The following MECOM variants were observed in gnomAD, a reference collection of about 807,000 sequenced individuals.
The protein encoded by MECOM is histone-lysine N-methyltransferase MECOM.
MECOM carries 13 observed loss-of-function variants against 116.3 expected under a neutral mutation model. The ratio of observed to expected loss-of-function variants is 0.11; its 90% CI spans 0.07 to 0.18. The LOEUF (loss-of-function observed/expected upper bound fraction) is 0.18. Among genes scored for constraint, MECOM ranks in the 10% least tolerant of loss-of-function variants. The pLI is 1.00. For synonymous variants in MECOM, 528 were observed against 535.2 expected, an observed-to-expected ratio of 0.99 and a Z score of 0.19; for missense variants, 1,299 against 1,509.0, an observed-to-expected ratio of 0.86 and a Z score of 2.31.
intron 3 of MECOM, among the ~76,000 whole-genome samples, chr3:169,136,574 G>T (rs1259806384): frequency 1.3e-5 from 2 of 151,946 alleles, no homozygotes; most frequent in African/African-American, 4.8e-5. Flanking sequence ...TGCCATAAAA[G>T]ACTTTCAGTC....
In MECOM at chr3:169,107,788, G is replaced by A. The variant is rs931903734; in HGVS notation, c.2604+138C>T. The A allele has an allele frequency of 6.2e-5, 38 of 617,438 alleles. No homozygotes were observed. In the South Asian group the frequency reaches 7.8e-4, roughly 13 times the overall value. The allele number at this position is 617,438 out of a possible 1,614,324, so 38.2% of individuals were successfully genotyped here. A position where few individuals can be genotyped will look rare whatever the true frequency, so the allele number is the denominator to read the frequency against. ...GAAAGAATGCAGCTTGAGAAAGCAGGGAAACTATCTGCTGGAACCATATCA... is the reference window on the plus strand; with the variant it reads ...GAAAGAATGCAGCTTGAGAAAGCAGAGAAACTATCTGCTGGAACCATATCA... On this transcript the variant is annotated intron_variant, in intron 10 of 16. Transcript: ENST00000651503.
At chr3:169,504,811 A>T (rs1202396035) in intron 1 of MECOM, among the ~76,000 whole-genome samples, 1 of 152,184 alleles carries the variant, frequency 6.6e-6, no homozygotes, top group East Asian at 1.9e-4. Context: ...TGTTTAAAGA[A>T]ATCCCCCGCA....
At chr3:169,395,831 C>T (rs569973874) in intron 1 of MECOM, among the ~76,000 whole-genome samples, 18 of 152,308 alleles carry the variant, frequency 1.2e-4, no homozygotes, top group Admixed American at 2.6e-4. Context: ...AAAACATAAG[C>T]TTCATGAGGA....
chr3:169,397,398 A>C (rs2108372557), intron 1 of MECOM, among the ~76,000 whole-genome samples: 1 of 152,296 alleles, frequency 6.6e-6, no homozygotes, highest in South Asian at 2.1e-4. Context: ...GACGATGAAA[A>C]CCTATTCCAT....
At chr3:169,457,857 C>G (rs1202854350) in intron 1 of MECOM, among the ~76,000 whole-genome samples, 1 of 152,188 alleles carries the variant, frequency 6.6e-6, no homozygotes, top group East Asian at 1.9e-4. Context: ...TGTTCAAAAG[C>G]ATACACGAAA....
chr3:169,370,167 AACATAC>A (rs1729851730), intron 2 of MECOM, among the ~76,000 whole-genome samples: 1 of 152,040 alleles, frequency 6.6e-6, no homozygotes, highest in Non-Finnish European at 1.5e-5. Flanking sequence ...CTGGCATAAA[AACATAC>A]ACATAGACTG....
chr3:169,560,080 C>T (rs533990082), intron 1 of MECOM, among the ~76,000 whole-genome samples: 43 of 152,266 alleles, frequency 2.8e-4, no homozygotes, highest in Admixed American at 1.5e-3. Flanking sequence ...ACCCAATGCT[C>T]AGGGCAGCAT....
At chr3:169,368,234 T>G (rs917815241) in intron 2 of MECOM, among the ~76,000 whole-genome samples, 1 of 152,038 alleles carries the variant, frequency 6.6e-6, no homozygotes, top group Non-Finnish European at 1.5e-5. Context: ...GGTTACATCA[T>G]GAAAGACCAA....
intron 2 of MECOM, among the ~76,000 whole-genome samples, chr3:169,345,179 T>G (rs913542169): frequency 1.3e-5 from 2 of 152,142 alleles, no homozygotes; most frequent in Non-Finnish European, 2.9e-5. Context: ...TTCAAAGCTT[T>G]TAAAAGCTAA....
intron 1 of MECOM, among the ~76,000 whole-genome samples, chr3:169,421,741 G>C (rs759177220): frequency 2.6e-5 from 4 of 151,364 alleles, no homozygotes; most frequent in African/African-American, 4.9e-5. Context: ...ATTCTTTTCT[G>C]CATTACGATT....
chr3:169,311,004 T>G (rs938966666), intron 2 of MECOM, among the ~76,000 whole-genome samples: 1 of 152,164 alleles, frequency 6.6e-6, no homozygotes, highest in African/African-American at 2.4e-5. Flanking sequence ...TACAGTAATA[T>G]CCAAACATGA....
chr3:169,318,974 C>T (rs1347605044), intron 2 of MECOM, among the ~76,000 whole-genome samples: 4 of 151,872 alleles, frequency 2.6e-5, no homozygotes, highest in African/African-American at 9.7e-5. Context: ...TGGTGGGTGC[C>T]TGTAATCCCA....
At chr3:169,646,124 T>G (rs905600715) in intron 1 of MECOM, among the ~76,000 whole-genome samples, 6 of 152,124 alleles carry the variant, frequency 3.9e-5, no homozygotes, top group Non-Finnish European at 8.8e-5. Flanking sequence ...TACCACATTT[T>G]CTTAATCCAG....
intron 1 of MECOM, among the ~76,000 whole-genome samples, chr3:169,655,530 G>T (rs1057373237): frequency 1.3e-5 from 2 of 152,146 alleles, no homozygotes; most frequent in Admixed American, 1.3e-4. Flanking sequence ...GGGAAAAGTT[G>T]AAATCTCAAT....
At chr3:169,427,068 C>T (rs1740842631) in intron 1 of MECOM, among the ~76,000 whole-genome samples, 2 of 152,032 alleles carry the variant, frequency 1.3e-5, no homozygotes, top group African/African-American at 2.4e-5. Flanking sequence ...TAACAGAGAG[C>T]TTCTCAAGGT....
intron 1 of MECOM, among the ~76,000 whole-genome samples, chr3:169,434,963 T>C (rs1334233374): frequency 6.6e-6 from 1 of 152,174 alleles, no homozygotes; most frequent in African/African-American, 2.4e-5. Context: ...AAAAGAGGAA[T>C]GTATTCATTA....
At chr3:169,540,148 G>A (rs535546975) in intron 1 of MECOM, among the ~76,000 whole-genome samples, 1 of 152,240 alleles carries the variant, frequency 6.6e-6, no homozygotes, top group African/African-American at 2.4e-5. Context: ...ATATCTCCCA[G>A]ATGTTCTGTA....
chr3:169,375,214 G>C (rs1730812873), intron 2 of MECOM, among the ~76,000 whole-genome samples: 1 of 152,030 alleles, frequency 6.6e-6, no homozygotes. Flanking sequence ...GCCCGCAGAA[G>C]AAAGTGGGAA....
intron 1 of MECOM, among the ~76,000 whole-genome samples, chr3:169,621,692 G>T (rs1770756298): frequency 6.6e-6 from 1 of 152,196 alleles, no homozygotes; most frequent in Non-Finnish European, 1.5e-5. Flanking sequence ...AGGGGGTGGA[G>T]TTTGCAGTGA....
Sources: gnomAD v4.1 joint callset for allele counts (sites outside exome capture counted in the v4.1 genomes callset) on GRCh38, gnomAD v4.1.1 for gene constraint, MANE v1.5 for transcripts, NCBI Gene and HGNC (gene_info 2026-07-23, HGNC 2026-07-21) for gene names.